The following ARSB variants were observed in gnomAD, a reference collection of about 807,000 sequenced individuals.
The protein encoded by ARSB is N-acetylgalactosamine-4-sulfatase.
In ARSB, 41 loss-of-function variants were observed where a neutral mutation model predicts 50.9. The ratio of observed to expected loss-of-function variants is 0.81; its 90% CI spans 0.63 to 1.04. ARSB has a LOEUF of 1.04. Among genes scored for constraint, ARSB ranks in the 50% least tolerant of loss-of-function variants. The pLI is 0.00. For missense variants in ARSB, 672 were observed against 693.3 expected (o/e 0.97, Z 0.35); for synonymous variants, 269 against 284.8 (o/e 0.94, Z 0.56).
intron 6 of ARSB, among the ~76,000 whole-genome samples, chr5:78,832,034 A>G (rs554603758): frequency 6.6e-6 from 1 of 152,290 alleles, no homozygotes; most frequent in East Asian, 1.9e-4. Flanking sequence ...TAAGACACCG[A>G]GAGAACTATA....
chr5:78,805,505 C>T (rs373723208), intron 6 of ARSB, among the ~76,000 whole-genome samples: 3 of 152,200 alleles, frequency 2.0e-5, no homozygotes, highest in Non-Finnish European at 4.4e-5. Context: ...CCCTCCACCA[C>T]TCCAGGAAGA....
chr5:78,900,495 A>G (rs1392142106), intron 4 of ARSB, among the ~76,000 whole-genome samples: 1 of 152,082 alleles, frequency 6.6e-6, no homozygotes, highest in East Asian at 1.9e-4. Flanking sequence ...TTGGTGCTGA[A>G]AGAATGTAGG....
chr5:78,964,491 T>C lies in ARSB; in HGVS notation c.615A>G (p.Gly205=), dbSNP rs749796409. The change falls in exon 3 of 8, where the codon GGA becomes GGG. Residue 205 remains glycine, a synonymous_variant. Transcript: ENST00000264914. Reference sequence around the variant, plus strand: ...TGTTTGTTGAATACATATTTTTATATCCTGTTGCAACTTCTTCGCCATCTC... The same window carrying C: ...TGTTTGTTGAATACATATTTTTATACCCTGTTGCAACTTCTTCGCCATCTC... ...DFRDGEEVAT[G]YKNMYSTNIF... 2.5e-6 allele frequency: 4 copies of C among 1,613,972 alleles called. No individual in the cohort carries two copies. In the African/African-American group the frequency reaches 5.3e-5, roughly 22 times the overall value.
chr5:78,862,269 A>C (rs922543933), intron 5 of ARSB, among the ~76,000 whole-genome samples: 3 of 152,186 alleles, frequency 2.0e-5, no homozygotes, highest in Non-Finnish European at 4.4e-5. Context: ...AAACTACTTT[A>C]AAGTTCAGAT....
chr5:78,961,181 T>C (rs1751967669), intron 3 of ARSB, among the ~76,000 whole-genome samples: 1 of 152,210 alleles, frequency 6.6e-6, no homozygotes, highest in South Asian at 2.1e-4. Flanking sequence ...AATCTATATA[T>C]AGTACCTGAG....
intron 5 of ARSB, among the ~76,000 whole-genome samples, chr5:78,851,807 T>C (rs550055371): frequency 1.3e-5 from 2 of 152,154 alleles, no homozygotes; most frequent in Non-Finnish European, 2.9e-5. Flanking sequence ...CCCTTTACCA[T>C]TATGTAATGG....
chr5:78,818,053 T>A (rs989235093), intron 6 of ARSB, among the ~76,000 whole-genome samples: 1 of 151,782 alleles, frequency 6.6e-6, no homozygotes, highest in African/African-American at 2.4e-5. Context: ...CTGGCTGAGG[T>A]AGGAGAATGA....
rs996482713 is a variant in ARSB, at chr5:78,860,771, C to G, written c.1143-21345G>C. ...AGAAATAACTAACAGCAGAGCAGAACTGAAGGAGATGGAGACACAAAAACC... is the reference window on the plus strand; with the variant it reads ...AGAAATAACTAACAGCAGAGCAGAAGTGAAGGAGATGGAGACACAAAAACC... On this transcript the variant is annotated intron_variant, in intron 5 of 7. Coordinates refer to ENST00000264914, the MANE Select transcript of ARSB (RefSeq NM_000046.5). 1.1e-4 allele frequency among the ~76,000 whole-genome samples: 16 copies of G among 152,264 alleles called. No homozygotes were observed. The East Asian group carries it at 2.3e-3, about 22-fold the overall frequency.
intron 5 of ARSB, among the ~76,000 whole-genome samples, chr5:78,870,607 T>C (rs62379679): frequency 0.12 from 18,834 of 150,714 alleles, 1,366 homozygotes; most frequent in Middle Eastern, 0.21. Context: ...TTTGACAAAA[T>C]TCAACAACAC....
At chr5:78,978,940 T>C (rs1296126964) in intron 1 of ARSB, among the ~76,000 whole-genome samples, 1 of 152,220 alleles carries the variant, frequency 6.6e-6, no homozygotes, top group Non-Finnish European at 1.5e-5. Flanking sequence ...TTAGACATGG[T>C]ACCAACAATA....
chr5:78,870,658 C>T (rs1469799236), intron 5 of ARSB, among the ~76,000 whole-genome samples: 45 of 150,174 alleles, frequency 3.0e-4, no homozygotes, highest in African/African-American at 9.7e-4. Flanking sequence ...ATTGATGGGA[C>T]GTATTTCAAA....
rs779861743 is a variant in ARSB at position 78,964,572 on chromosome 5, A to C, written c.534T>G (p.His178Gln). 1 of 1,613,800 alleles carries C rather than the reference A, an allele frequency of 6.2e-7. No individual in the cohort carries two copies. Among genetic ancestry groups the C allele is most frequent in the African/African-American group, 1.3e-5 (1 of 74,940 alleles). ...GAGCGTCAATTAATGTACAGCGTTC[A>C]TGGGAATAATAATCTTCACTACCCA... Reference protein sequence around the residue: ...YLLGSEDYYSHERCTLIDALN... With the variant: ...YLLGSEDYYSQERCTLIDALN... The change falls in exon 3 of 8, where the codon CAT (histidine) becomes CAG (glutamine). Residue 178 changes from histidine (H) to glutamine (Q), a missense_variant. His to Gln is a conservative substitution (Grantham distance 24). Coordinates refer to ENST00000264914, the MANE Select transcript of ARSB (RefSeq NM_000046.5).
At chr5:78,804,756 T>C (rs920184972) in intron 6 of ARSB, among the ~76,000 whole-genome samples, 2 of 152,188 alleles carry the variant, frequency 1.3e-5, no homozygotes, top group African/African-American at 4.8e-5. Flanking sequence ...GCTGCAGTCA[T>C]TGGCCTCTGA....
At chr5:78,919,882 C>T (rs1419101639) in intron 4 of ARSB, among the ~76,000 whole-genome samples, 3 of 152,164 alleles carry the variant, frequency 2.0e-5, no homozygotes, top group Non-Finnish European at 4.4e-5. Context: ...GTGATACATA[C>T]CTCTAGAAGC....
intron 4 of ARSB, among the ~76,000 whole-genome samples, chr5:78,908,301 G>C (rs1749156667): frequency 6.6e-6 from 1 of 151,896 alleles, no homozygotes; most frequent in Non-Finnish European, 1.5e-5. Context: ...CTCTCCTCTT[G>C]GTCTGCCGCT....
chr5:78,878,832 T>G (rs1295206475), intron 5 of ARSB, among the ~76,000 whole-genome samples: 3 of 149,404 alleles, frequency 2.0e-5, no homozygotes, highest in African/African-American at 4.9e-5. Flanking sequence ...AAAAAGAAAT[T>G]CCTATCATTA....
rs1261390343 is a variant in ARSB at position 78,969,280 on chromosome 5, T to C, written c.313-88A>G. ...AAATGGCCTTCTACCTTACTGATCATATCTGTTGACTTGGATGTTTAACTC... is the reference window on the plus strand; with the variant it reads ...AAATGGCCTTCTACCTTACTGATCACATCTGTTGACTTGGATGTTTAACTC... On this transcript the variant is annotated intron_variant, in intron 1 of 7. Coordinates refer to ENST00000264914, the MANE Select transcript of ARSB (RefSeq NM_000046.5). The C allele has an allele frequency of 8.1e-6, 11 of 1,363,206 alleles. No individual in the cohort carries two copies. The Admixed American group carries it at 1.0e-4, about 13-fold the overall frequency. The allele number at this position is 1,363,206 out of a possible 1,614,324, so 84.4% of individuals were successfully genotyped here.
chr5:78,836,374 G>T (rs1744956156), intron 6 of ARSB, among the ~76,000 whole-genome samples: 1 of 152,180 alleles, frequency 6.6e-6, no homozygotes, highest in African/African-American at 2.4e-5. Context: ...TTCGTTATCT[G>T]CAGGAGTCAG....
intron 1 of ARSB, among the ~76,000 whole-genome samples, chr5:78,983,106 T>G (rs1337808622): frequency 1.3e-5 from 2 of 152,138 alleles, no homozygotes; most frequent in African/African-American, 4.8e-5. Flanking sequence ...CAGGCTGGAG[T>G]GCAGTGGTGC....
Sources: allele counts gnomAD v4.1 joint callset (sites outside exome capture counted in the v4.1 genomes callset), GRCh38; gene constraint gnomAD v4.1.1; transcripts MANE v1.5; gene names NCBI Gene and HGNC (gene_info 2026-07-23, HGNC 2026-07-21).